Variants in MDN1 observed in about 807,000 individuals in gnomAD.
The protein encoded by MDN1 is midasin AAA ATPase 1.
Under a neutral mutation model 669.2 loss-of-function variants are expected in MDN1, and 266 were observed. The ratio of observed to expected loss-of-function variants is 0.40; its 90% CI spans 0.36 to 0.44. MDN1 has a LOEUF of 0.44. Ranked by LOEUF, MDN1 falls within the 20% of genes least tolerant of loss-of-function variation. The pLI, the probability that MDN1 is intolerant of heterozygous loss-of-function variation, is 1.00. For synonymous variants in MDN1, 2,385 were observed against 2,457.1 expected, an observed-to-expected ratio of 0.97 and a Z score of 0.87; for missense variants, 5,940 against 6,754.0, an observed-to-expected ratio of 0.88 and a Z score of 4.22.
intron 15 of MDN1, among the ~76,000 whole-genome samples, chr6:89,768,281 T>C (rs1377707876): frequency 6.6e-6 from 1 of 152,012 alleles, no homozygotes; most frequent in African/African-American, 2.4e-5. Context: ...AATTGAATCA[T>C]GGGGGTGGGT....
intron 55 of MDN1, 143 bp downstream of exon 55, chr6:89,701,415 A>AC: frequency 9.4e-7 from 1 of 1,058,700 alleles, no homozygotes; most frequent in Non-Finnish European, 1.4e-6. Flanking sequence ...GGAACCAATC[A>AC]CCCCCAGATG....
Position 89,688,850 on chromosome 6 carries a change from G to A in MDN1, c.11024-42C>T, listed in dbSNP as rs747389907. ...ACGGTAAAGTCAGTGAATTCAGTAA[G>A]TTGATCTATCAACATGTCAAAAAGA... On this transcript the variant is annotated intron_variant, in intron 65 of 101. Transcript: ENST00000369393. The A allele has an allele frequency of 5.3e-6, 8 of 1,515,470 alleles. No homozygotes were observed. In the East Asian group the frequency reaches 1.1e-4, roughly 22 times the overall value. 93.9% of individuals were successfully genotyped at this position (1,515,470 alleles called of 1,614,324 possible).
chr6:89,672,955 T>G (rs765875247), intron 80 of MDN1, among the ~76,000 whole-genome samples: 6 of 152,306 alleles, frequency 3.9e-5, no homozygotes, highest in Non-Finnish European at 7.4e-5. Flanking sequence ...AAACACTAAC[T>G]TAGTCCAAAT....
At chr6:89,711,984 GC>G in intron 49 of MDN1, 51 bp downstream of exon 49, 1 of 1,442,456 alleles carries the variant, frequency 6.9e-7, no homozygotes. Flanking sequence ...CACTTAAATA[GC>G]ATAAGTGTAT....
At chr6:89,648,828 A>AC (rs909807039) in intron 97 of MDN1, among the ~76,000 whole-genome samples, 1 of 151,028 alleles carries the variant, frequency 6.6e-6, no homozygotes, top group African/African-American at 2.4e-5. Context: ...AAAAAAAAAA[A>AC]AACAATTTAG....
intron 76 of MDN1, among the ~76,000 whole-genome samples, chr6:89,676,528 A>G (rs1224434240): frequency 6.6e-6 from 1 of 152,164 alleles, no homozygotes; most frequent in Non-Finnish European, 1.5e-5. Flanking sequence ...AGGACAGCCA[A>G]GCATACAATG....
chr6:89,758,718 G>GC, intron 18 of MDN1, 98 bp downstream of exon 18: 1 of 1,276,950 alleles, frequency 7.8e-7, no homozygotes, highest in South Asian at 1.4e-5. Context: ...CCATTGGGAG[G>GC]CCCATGTCAT....
intron 43 of MDN1, among the ~76,000 whole-genome samples, chr6:89,717,396 A>C (rs1031582339): frequency 1.3e-5 from 2 of 152,224 alleles, no homozygotes; most frequent in Admixed American, 1.3e-4. Context: ...ACCATAGTCC[A>C]ACCACTTGCT....
At position 89,708,638 on chromosome 6, in the gene MDN1, A is replaced by C. The variant is rs775922309; in HGVS notation, c.7766-10T>G. 20 of 1,605,076 alleles carry C rather than the reference A, an allele frequency of 1.2e-5. No homozygotes were observed. Among genetic ancestry groups the C allele is most frequent in the Non-Finnish European group, 1.6e-5 (19 of 1,176,014 alleles). ...GGGATCACAAATTCATCTAGTTTAA[A>C]AACAGAACAAAACAAAAATCAGAAA... On this transcript the variant is annotated splice_polypyrimidine_tract_variant and intron_variant, in intron 50 of 101. Transcript: ENST00000369393.
Position 89,655,987 on chromosome 6 carries a change from T to C in MDN1, c.15286-19A>G, listed in dbSNP as rs1485791186. 4 of 1,608,254 alleles carry C rather than the reference T, an allele frequency of 2.5e-6. No homozygotes were observed. The highest frequency in any genetic ancestry group is 1.3e-5 in the African/African-American group (1 of 74,930). ...TAAAACTCTGAGAAATACAAGGAAA[T>C]TCATCAGAGCCTTGCCTGTCATGAC... On this transcript the variant is annotated intron_variant, in intron 91 of 101. Transcript: ENST00000369393.
At chr6:89,795,506 A>T (rs1380402825) in intron 2 of MDN1, among the ~76,000 whole-genome samples, 1 of 152,092 alleles carries the variant, frequency 6.6e-6, no homozygotes, top group African/African-American at 2.4e-5. Flanking sequence ...AAGCTGGAAG[A>T]TCATTTGCCA....
chr6:89,652,948 T>C (rs765311795), intron 94 of MDN1, 44 bp downstream of exon 94: 1 of 1,557,376 alleles, frequency 6.4e-7, no homozygotes, highest in Admixed American at 2.0e-5. Flanking sequence ...ATTTTGTTAA[T>C]TTATTAACAC....
At chr6:89,778,040 G>A (rs751284109) in intron 11 of MDN1, among the ~76,000 whole-genome samples, 24 of 152,080 alleles carry the variant, frequency 1.6e-4, no homozygotes, top group Non-Finnish European at 2.5e-4. Flanking sequence ...TGCAAATTCC[G>A]TCATGATAAA....
Position 89,794,187 on chromosome 6 carries a change from G to C in MDN1, c.575C>G (p.Ala192Gly). 1 of 1,593,916 alleles carries C rather than the reference G, an allele frequency of 6.3e-7. No homozygotes were observed. Among genetic ancestry groups the C allele is most frequent in the South Asian group, 1.2e-5 (1 of 86,894 alleles). Reference sequence around the variant, plus strand: ...CTCTTCATTCATACAGGTAACCAAAGCAAGACAATTGGCTGTATACCTAGG... The same window carrying C: ...CTCTTCATTCATACAGGTAACCAAACCAAGACAATTGGCTGTATACCTAGG... ...LVRWYTANCL[A>G]LVTCMNEEHK... The change falls in exon 4 of 102, where the codon GCT becomes GGT. Residue 192 changes from alanine to glycine, a missense_variant. Physicochemically the swap from Ala to Gly is moderately conservative, Grantham distance 60. Around this residue, in one of 5 missense-constraint regions of MDN1, gnomAD observed 1,203 missense variants for 1,268.9 expected, o/e 0.95. Transcript: ENST00000369393.
intron 15 of MDN1, among the ~76,000 whole-genome samples, chr6:89,763,186 C>CA (rs1338797447): frequency 1.3e-5 from 2 of 151,628 alleles, no homozygotes; most frequent in African/African-American, 4.8e-5. Context: ...TAAGGTTGAC[C>CA]AAAATCCAAG....
intron 73 of MDN1, among the ~76,000 whole-genome samples, chr6:89,682,686 C>T (rs992861572): frequency 8.7e-5 from 10 of 115,146 alleles, no homozygotes; most frequent in Admixed American, 3.1e-4. Flanking sequence ...CCAGCCTGAG[C>T]GAGACTCTGT....
chr6:89,750,273 G>A (rs1433656999), intron 24 of MDN1, 81 bp downstream of exon 24: 1 of 1,395,540 alleles, frequency 7.2e-7, no homozygotes, highest in East Asian at 2.3e-5. Context: ...GCCTCAATTG[G>A]AAAGGATGAA....
intron 55 of MDN1, among the ~76,000 whole-genome samples, chr6:89,701,208 G>A (rs1384670326): frequency 1.3e-5 from 2 of 152,172 alleles, no homozygotes; most frequent in Non-Finnish European, 1.5e-5. Context: ...TGTGCTGAAC[G>A]CATAAGGACT....
At chr6:89,779,794 G>A (rs1161027182) in intron 11 of MDN1, among the ~76,000 whole-genome samples, 1 of 152,162 alleles carries the variant, frequency 6.6e-6, no homozygotes, top group African/African-American at 2.4e-5. Flanking sequence ...GGCCGGGTGC[G>A]GTGGCTCACG....
Sources: gnomAD v4.1 joint callset for allele counts (sites outside exome capture counted in the v4.1 genomes callset) on GRCh38, gnomAD v4.1.1 for gene constraint, gnomAD v4.1.1 regional missense constraint, MANE v1.5 for transcripts, NCBI Gene and HGNC (gene_info 2026-07-23, HGNC 2026-07-21) for gene names.